The following SLX4IP variants were observed in gnomAD, a reference collection of about 807,000 sequenced individuals.
SLX4IP encodes the protein protein SLX4IP.
Under a neutral mutation model 32.9 loss-of-function variants are expected in SLX4IP, and 34 were observed. The ratio of observed to expected loss-of-function variants is 1.03; its 90% CI spans 0.79 to 1.38. The LOEUF is 1.38. SLX4IP is among the 40% of genes most tolerant of loss of function. SLX4IP has a pLI of 0.00. For synonymous variants in SLX4IP, 172 were observed against 171.7 expected (o/e 1.00, Z -0.01); for missense variants, 444 against 479.0 (o/e 0.93, Z 0.68).
intron 4 of SLX4IP, among the ~76,000 whole-genome samples, chr20:10,586,405 A>G (rs931797883): frequency 1.3e-5 from 2 of 152,228 alleles, no homozygotes; most frequent in African/African-American, 4.8e-5. Flanking sequence ...ATATGGTTCA[A>G]TAGAAAGTCC....
At chr20:10,551,806 C>CCGTTT (rs1177042450) in intron 2 of SLX4IP, among the ~76,000 whole-genome samples, 1 of 152,114 alleles carries the variant, frequency 6.6e-6, no homozygotes, top group East Asian at 1.9e-4. Context: ...AGGATGAAAA[C>CCGTTT]GTCAGGTGCA....
chr20:10,485,732 TTTATG>T (rs1212070142), intron 2 of SLX4IP, among the ~76,000 whole-genome samples: 2 of 152,310 alleles, frequency 1.3e-5, no homozygotes, highest in South Asian at 2.1e-4. Flanking sequence ...AACACATATT[TTTATG>T]TTATATGTAC....
intron 4 of SLX4IP, among the ~76,000 whole-genome samples, chr20:10,597,461 C>T (rs1489007159): frequency 6.6e-6 from 1 of 152,220 alleles, no homozygotes; most frequent in Non-Finnish European, 1.5e-5. Context: ...TTCTGTGAAT[C>T]ATCTGAAAAT....
intron 2 of SLX4IP, among the ~76,000 whole-genome samples, chr20:10,473,775 A>T (rs2065448421): frequency 6.8e-6 from 1 of 147,092 alleles, no homozygotes; most frequent in South Asian, 2.2e-4. Context: ...GCTAATTTTT[A>T]AAAAATGTTT....
At chr20:10,471,478 A>G (rs1437535537) in intron 2 of SLX4IP, among the ~76,000 whole-genome samples, 2 of 152,172 alleles carry the variant, frequency 1.3e-5, no homozygotes, top group Non-Finnish European at 2.9e-5. Context: ...TTTTTCAGAC[A>G]TGTTTCTGAA....
In SLX4IP at chr20:10,623,133, A is replaced by G; in HGVS notation, c.981A>G (p.Lys327=). 6.2e-7 allele frequency: 1 copy of G among 1,614,184 alleles called. No homozygotes were observed. Among genetic ancestry groups the G allele is most frequent in the Non-Finnish European group, 8.5e-7 (1 of 1,180,038 alleles). The change falls in exon 8 of 8, where the codon AAA becomes AAG. Residue 327 remains lysine (K), a synonymous_variant. Coordinates refer to ENST00000334534, the MANE Select transcript of SLX4IP (RefSeq NM_001009608.3). ...TCCCGAGAGAAATAATAGTGGAAAA[A>G]AGCAAAGCTGTCAGGGTTTTGCCAG... ...RLVPREIIVE[K]SKAVRVLPAS... is the part of the protein sequence containing the mutation.
chr20:10,463,487 T>C (rs2065355121), intron 2 of SLX4IP, among the ~76,000 whole-genome samples: 1 of 152,302 alleles, frequency 6.6e-6, no homozygotes, highest in Middle Eastern at 3.4e-3. Context: ...TGTCAAAGTG[T>C]TATATTTCTG....
intron 2 of SLX4IP, among the ~76,000 whole-genome samples, chr20:10,510,699 G>A (rs1005633559): frequency 2.0e-5 from 3 of 151,776 alleles, no homozygotes; most frequent in Non-Finnish European, 4.4e-5. Context: ...CCACCTCCCG[G>A]GTTCAAGTGA....
At chr20:10,528,524 T>G (rs2065958458) in intron 2 of SLX4IP, among the ~76,000 whole-genome samples, 1 of 152,234 alleles carries the variant, frequency 6.6e-6, no homozygotes, top group Non-Finnish European at 1.5e-5. Context: ...TAAAAAGGCT[T>G]GTGGAAGTTA....
At chr20:10,482,841 A>G (rs142127677) in intron 2 of SLX4IP, among the ~76,000 whole-genome samples, 2 of 152,324 alleles carry the variant, frequency 1.3e-5, no homozygotes, top group Non-Finnish European at 2.9e-5. Context: ...CTGGAAACTT[A>G]AAACAGGTGA....
intron 4 of SLX4IP, among the ~76,000 whole-genome samples, chr20:10,584,590 T>G (rs559270437): frequency 6.6e-6 from 1 of 152,288 alleles, no homozygotes; most frequent in African/African-American, 2.4e-5. Flanking sequence ...TTTAAAAGAA[T>G]GTAGTTCTCT....
At chr20:10,461,825 T>C (rs966665294) in intron 2 of SLX4IP, among the ~76,000 whole-genome samples, 3 of 152,238 alleles carry the variant, frequency 2.0e-5, no homozygotes, top group African/African-American at 7.2e-5. Flanking sequence ...TCGCCCAGGC[T>C]GGAGTGCAGT....
intron 4 of SLX4IP, among the ~76,000 whole-genome samples, chr20:10,572,569 A>T (rs1381155088): frequency 6.6e-6 from 1 of 152,184 alleles, no homozygotes; most frequent in Non-Finnish European, 1.5e-5. Context: ...TGTTTGTGGA[A>T]CAGTAACAGT....
At chr20:10,515,010 C>T (rs2065837114) in intron 2 of SLX4IP, among the ~76,000 whole-genome samples, 1 of 149,692 alleles carries the variant, frequency 6.7e-6, no homozygotes, top group African/African-American at 2.5e-5. Flanking sequence ...GAAAATAGGA[C>T]ACTCTTGAGG....
chr20:10,480,108 A>T (rs1458249942), intron 2 of SLX4IP, among the ~76,000 whole-genome samples: 1 of 150,558 alleles, frequency 6.6e-6, no homozygotes, highest in Non-Finnish European at 1.5e-5. Flanking sequence ...AAAAGTAGTC[A>T]CTCGGTTGGG....
chr20:10,462,925 T>C (rs1366989014), intron 2 of SLX4IP, among the ~76,000 whole-genome samples: 2 of 152,214 alleles, frequency 1.3e-5, no homozygotes, highest in African/African-American at 4.8e-5. Flanking sequence ...ATACAAAATA[T>C]GAACACTCAA....
intron 6 of SLX4IP, chr20:10,614,369 C>A (rs1334616842): frequency 1.8e-6 from 1 of 560,260 alleles, no homozygotes; most frequent in African/African-American, 1.9e-5. Flanking sequence ...GTTTTACAAT[C>A]CTAAAAACAA....
intron 2 of SLX4IP, among the ~76,000 whole-genome samples, chr20:10,527,022 C>G (rs1234598516): frequency 1.3e-5 from 2 of 152,276 alleles, no homozygotes; most frequent in East Asian, 3.9e-4. Context: ...GCAACCAAAG[C>G]AAGGTACCCA....
chr20:10,590,365 T>A (rs1052179334), intron 4 of SLX4IP, among the ~76,000 whole-genome samples: 3 of 152,028 alleles, frequency 2.0e-5, no homozygotes, highest in Non-Finnish European at 4.4e-5. Context: ...TTTATTTTTT[T>A]AATTTTATTT....
Sources: allele counts gnomAD v4.1 joint callset (sites outside exome capture counted in the v4.1 genomes callset), GRCh38; gene constraint gnomAD v4.1.1; transcripts MANE v1.5; gene names NCBI Gene and HGNC (gene_info 2026-07-23, HGNC 2026-07-21).